MAP2K4: variants seen among roughly 807,000 people sequenced by gnomAD.
The protein encoded by MAP2K4 is dual specificity mitogen-activated protein kinase kinase 4.
A neutral mutation model predicts 48.5 loss-of-function variants in MAP2K4; 4 were observed. That is an observed-to-expected ratio of 0.08 (90% CI 0.04 to 0.19). The LOEUF is 0.19. Among genes scored for constraint, MAP2K4 ranks in the 10% least tolerant of loss-of-function variants. MAP2K4 has a pLI of 1.00. For missense variants in MAP2K4, 258 were observed against 493.3 expected, an observed-to-expected ratio of 0.52 and a Z score of 4.52; for synonymous variants, 166 against 173.1, an observed-to-expected ratio of 0.96 and a Z score of 0.32.
chr17:12,127,967 G>A (rs1392442351), intron 8 of MAP2K4, among the ~76,000 whole-genome samples: 1 of 152,196 alleles, frequency 6.6e-6, no homozygotes, highest in African/African-American at 2.4e-5. Context: ...TAATATGTTT[G>A]GAGCCTCATC....
Position 12,081,394 on chromosome 17 carries a change from A to T in MAP2K4, c.257A>T (p.Lys86Ile). ...ACACACAGCATTGAGTCATCAGGAAAACTGAAGATCTCCCCTGAACAACAC... is the reference window on the plus strand; with the variant it reads ...ACACACAGCATTGAGTCATCAGGAATACTGAAGATCTCCCCTGAACAACAC... ...LRTHSIESSGKLKISPEQHWD... is the reference protein window; with the variant it reads ...LRTHSIESSGILKISPEQHWD... Residue 86 changes from lysine (K) to isoleucine (I), a missense_variant, in exon 3 of 11, where the codon AAA (lysine) becomes ATA (isoleucine). This residue lies in a region of MAP2K4 where 132 missense variants were observed against 352.8 expected (regional missense o/e 0.37). Coordinates refer to ENST00000353533, the MANE Select transcript of MAP2K4 (RefSeq NM_003010.4). The surrounding 1 kb of genome is among the most constrained non-coding windows in gnomAD (Gnocchi z 4.2). 6.2e-7 allele frequency: 1 copy of T among 1,613,970 alleles called. No homozygotes were observed. Among genetic ancestry groups the T allele is most frequent in the Non-Finnish European group, 8.5e-7 (1 of 1,179,984 alleles).
At position 12,141,192 on chromosome 17, in the gene MAP2K4, G is replaced by T. The variant is rs771926980; in HGVS notation, c.1132G>T (p.Ala378Ser). 8 of 1,613,642 alleles carry T rather than the reference G, an allele frequency of 5.0e-6. No homozygotes were observed. The Admixed American group carries it at 8.3e-5, about 17-fold the overall frequency. ...GTATGAAGAACGTGCCGTTGAGGTC[G>T]CATGCTATGTTTGTAAAATCCTGGA... ...LMYEERAVEVACYVCKILDQM... is the reference protein window; with the variant it reads ...LMYEERAVEVSCYVCKILDQM... Residue 378 changes from alanine to serine, a missense_variant, in exon 11 of 11, where the codon GCA (alanine) becomes TCA (serine). Around this residue, in one of 3 missense-constraint regions of MAP2K4, gnomAD observed 57 missense variants for 84.3 expected, o/e 0.68. Coordinates refer to ENST00000353533, the MANE Select transcript of MAP2K4 (RefSeq NM_003010.4).
At chr17:12,128,923 T>G (rs1314125512) in intron 8 of MAP2K4, among the ~76,000 whole-genome samples, 1 of 152,222 alleles carries the variant, frequency 6.6e-6, no homozygotes, top group Non-Finnish European at 1.5e-5. Flanking sequence ...AGTCCTTGAA[T>G]TTGGTTGATT....
At chr17:12,111,918 T>TATAA (rs1972319357) in intron 6 of MAP2K4, among the ~76,000 whole-genome samples, 1 of 152,140 alleles carries the variant, frequency 6.6e-6, no homozygotes, top group Non-Finnish European at 1.5e-5. Flanking sequence ...CACTATCATG[T>TATAA]CTATATGTGG....
At position 12,141,288 on chromosome 17, in the gene MAP2K4, A is replaced by C; in HGVS notation, c.*28A>C. The C allele has an allele frequency of 6.6e-7, 1 of 1,505,484 alleles. No homozygotes were observed. Among genetic ancestry groups the C allele is most frequent in the Non-Finnish European group, 9.2e-7 (1 of 1,081,242 alleles). 93.3% of individuals were successfully genotyped at this position (1,505,484 alleles called of 1,614,324 possible). On this transcript the variant is annotated 3_prime_UTR_variant, in exon 11 of 11. Coordinates refer to ENST00000353533, the MANE Select transcript of MAP2K4 (RefSeq NM_003010.4). Reference sequence around the variant, plus strand: ...TCGCTGCTACATCAGACTCTAGAAAAAAGGGCTGAGAGGAAGCAAGACGTA... The same window carrying C: ...TCGCTGCTACATCAGACTCTAGAAACAAGGGCTGAGAGGAAGCAAGACGTA...
intron 9 of MAP2K4, 97 bp downstream of exon 9, chr17:12,129,384 A>C: frequency 7.2e-7 from 1 of 1,398,328 alleles, no homozygotes; most frequent in Non-Finnish European, 1.0e-6. Context: ...GAGGAAGGGG[A>C]CCCTTGGTCA....
intron 7 of MAP2K4, among the ~76,000 whole-genome samples, chr17:12,117,048 G>A (rs1167696550): frequency 1.3e-5 from 2 of 152,030 alleles, no homozygotes; most frequent in Non-Finnish European, 2.9e-5. Flanking sequence ...GTGGTCTGTC[G>A]TTCACCAAAA....
In MAP2K4 at chr17:12,102,115, A is replaced by G. The variant is rs558656703; in HGVS notation, c.514-5675A>G. The stretch of plus-strand genomic sequence containing the variant: ...GAGGGAAAGCATTCATGTTTCCTTC[A>G]TTAAATATGATATTAGCTGTGGACT... On this transcript the variant is annotated intron_variant, in intron 4 of 10. Transcript: ENST00000353533. 3.7e-4 allele frequency among the ~76,000 whole-genome samples: 56 copies of G among 152,186 alleles called. 1 individual carries two copies. In the South Asian group the frequency reaches 0.011, roughly 30 times the overall value.
intron 1 of MAP2K4, among the ~76,000 whole-genome samples, chr17:12,041,149 T>C (rs1969766635): frequency 6.6e-6 from 1 of 152,244 alleles, no homozygotes; most frequent in Non-Finnish European, 1.5e-5. Flanking sequence ...GTAGAATACA[T>C]TTATGGGCAG....
intron 3 of MAP2K4, among the ~76,000 whole-genome samples, chr17:12,087,814 C>G (rs1274580615): frequency 6.6e-6 from 1 of 151,954 alleles, no homozygotes; most frequent in Non-Finnish European, 1.5e-5. Context: ...AGATTTACAT[C>G]TGTGATCAGC....
intron 6 of MAP2K4, 131 bp from the exon 7 acceptor site, chr17:12,113,102 C>G: frequency 1.6e-6 from 1 of 634,426 alleles, no homozygotes; most frequent in East Asian, 2.6e-5. Context: ...TGTTTTACTT[C>G]TTATATATCT....
At chr17:12,072,527 C>T (rs1970850646) in intron 2 of MAP2K4, among the ~76,000 whole-genome samples, 1 of 152,138 alleles carries the variant, frequency 6.6e-6, no homozygotes, top group Admixed American at 6.5e-5. Context: ...GATACAAATT[C>T]CCTTGAATCC....
intron 2 of MAP2K4, among the ~76,000 whole-genome samples, chr17:12,058,208 T>A (rs1181604496): frequency 6.6e-6 from 1 of 150,578 alleles, no homozygotes; most frequent in Admixed American, 6.6e-5. Context: ...AGAGGAAAAG[T>A]GGAATTAACT....
intron 7 of MAP2K4, among the ~76,000 whole-genome samples, chr17:12,122,784 C>A (rs1972733689): frequency 6.6e-6 from 1 of 152,048 alleles, no homozygotes; most frequent in African/African-American, 2.4e-5. Flanking sequence ...ATTTTAGATG[C>A]CCTTTATGGA....
chr17:12,093,054 A>G (rs539162966), intron 3 of MAP2K4, among the ~76,000 whole-genome samples: 117 of 152,262 alleles, frequency 7.7e-4, no homozygotes, highest in African/African-American at 2.3e-3. Context: ...TATTTGTTCA[A>G]TTCCAAACAA....
At chr17:12,041,035 A>G (rs530900899) in intron 1 of MAP2K4, among the ~76,000 whole-genome samples, 166 of 152,376 alleles carry the variant, frequency 1.1e-3, no homozygotes, top group African/African-American at 3.6e-3. Flanking sequence ...TCTCTCATGT[A>G]CTGTATACAC....
chr17:12,046,653 CTG>C (rs1969974612), intron 1 of MAP2K4, among the ~76,000 whole-genome samples: 1 of 152,130 alleles, frequency 6.6e-6, no homozygotes, highest in African/African-American at 2.4e-5. Context: ...TGTGAAATAA[CTG>C]GAGATCAGAG....
At chr17:12,042,129 C>T (rs1005278376) in intron 1 of MAP2K4, among the ~76,000 whole-genome samples, 7 of 118,794 alleles carry the variant, frequency 5.9e-5, no homozygotes, top group African/African-American at 1.3e-4. Context: ...TGCAGTGAAC[C>T]GAGATCGTGC....
intron 1 of MAP2K4, among the ~76,000 whole-genome samples, chr17:12,025,980 G>A (rs1247440043): frequency 6.6e-6 from 1 of 152,126 alleles, no homozygotes; most frequent in African/African-American, 2.4e-5. Context: ...GCCCTTCCCA[G>A]TGTGTTGCAT....
Sources: gnomAD v4.1 joint callset for allele counts (sites outside exome capture counted in the v4.1 genomes callset) on GRCh38, gnomAD v4.1.1 for gene constraint, gnomAD v4.1.1 regional missense constraint, Gnocchi (gnomAD v3.1) non-coding constraint, MANE v1.5 for transcripts, NCBI Gene and HGNC (gene_info 2026-07-23, HGNC 2026-07-21) for gene names.